PEMT: variants seen among roughly 807,000 people sequenced by gnomAD.
The protein encoded by PEMT is phospholipid methyltransferase.
PEMT carries 23 observed loss-of-function variants against 27.4 expected under a neutral mutation model. The observed-to-expected ratio is 0.84, with a 90% CI of 0.60 to 1.19. The LOEUF is 1.19. Ranked by LOEUF, PEMT falls within the 50% of genes most tolerant of loss-of-function variation. The pLI, the probability that PEMT is intolerant of heterozygous loss-of-function variation, is 0.00. For missense variants in PEMT, 307 were observed against 310.1 expected (o/e 0.99, Z 0.07); for synonymous variants, 137 against 139.1 (o/e 0.98, Z 0.11).
At chr17:17,516,787 G>A (rs1394882931) in intron 3 of PEMT, among the ~76,000 whole-genome samples, 2 of 152,050 alleles carry the variant, frequency 1.3e-5, no homozygotes, top group Admixed American at 1.3e-4. Flanking sequence ...CCCAGCAGCT[G>A]GGGGCCCTTG....
chr17:17,539,932 T>C (rs1264309090), intron 2 of PEMT, among the ~76,000 whole-genome samples: 2 of 151,906 alleles, frequency 1.3e-5, no homozygotes, highest in East Asian at 3.9e-4. Flanking sequence ...ACCACGCAGG[T>C]GGCAGGGAGC....
At chr17:17,591,900 C>A (rs1912609553), upstream of PEMT, 1 of 985,350 alleles carries the variant, frequency 1.0e-6, no homozygotes, top group Admixed American at 6.1e-5. Flanking sequence ...TAGCAGTATC[C>A]CCTTGGATCC....
chr17:17,555,390 G>A (rs1004434966), intron 2 of PEMT, among the ~76,000 whole-genome samples: 7 of 152,182 alleles, frequency 4.6e-5, no homozygotes, highest in African/African-American at 1.2e-4. Context: ...CCCACCTCCC[G>A]AGCCTCGGCT....
rs762207699 is a variant in PEMT at position 17,576,930 on chromosome 17, T to C, written c.194A>G (p.Tyr65Cys). Residue 65 changes from tyrosine to cysteine, a missense_variant, in exon 2 of 7, where the codon TAC becomes TGC. Physicochemically the swap from Tyr to Cys is radical, Grantham distance 194. Coordinates refer to ENST00000255389, the MANE Select transcript of PEMT (RefSeq NM_148172.3). ...AVITITFNPL[Y>C]WNVVARWEHK... ...AGGCACATCACTTACCACATTCCAG[T>C]AGAGCGGATTGAAGGTGATGGTGAT... is the stretch of plus-strand genomic sequence containing the variant. The C allele has an allele frequency of 1.9e-6, 3 of 1,612,830 alleles. No homozygotes were observed. The highest frequency in any genetic ancestry group is 2.5e-6 in the Non-Finnish European group (3 of 1,179,068).
intron 4 of PEMT, among the ~76,000 whole-genome samples, chr17:17,511,678 G>A (rs149545050): frequency 2.4e-3 from 371 of 152,342 alleles, no homozygotes; most frequent in Admixed American, 4.2e-3. Context: ...CACCCATGAC[G>A]GAGAGCGGGC....
chr17:17,531,232 G>A (rs1567689272), intron 2 of PEMT, among the ~76,000 whole-genome samples: 2 of 152,064 alleles, frequency 1.3e-5, no homozygotes, highest in Admixed American at 1.3e-4. Flanking sequence ...TGAAAGACGA[G>A]GTGGAAACGC....
rs951988217 is a variant in PEMT, at chr17:17,571,586, G to A, written c.204+5334C>T. Among the ~76,000 whole-genome samples, 6 of 152,190 alleles carry A rather than the reference G, an allele frequency of 3.9e-5. No homozygotes were observed. In the East Asian group the frequency reaches 1.2e-3, roughly 29 times the overall value. On this transcript the variant is annotated intron_variant, in intron 2 of 6. Coordinates refer to ENST00000255389, the MANE Select transcript of PEMT (RefSeq NM_148172.3). ...GAAGCGGGCAGCACCCCAGCCCAAT[G>A]CTGGGAAAACACTCCCTAGAGCCAC...
chr17:17,538,393 A>T (rs1908641484), intron 2 of PEMT, among the ~76,000 whole-genome samples: 1 of 152,130 alleles, frequency 6.6e-6, no homozygotes. Flanking sequence ...TATCTCTACA[A>T]ACAATTGAAA....
At chr17:17,506,180 G>A in intron 6 of PEMT, 47 bp downstream of exon 6, 8 of 1,410,800 alleles carry the variant, frequency 5.7e-6, no homozygotes, top group Non-Finnish European at 7.8e-6. Context: ...GGGAGAGACA[G>A]GGCCAGTCGG....
At chr17:17,544,710 C>T (rs916521180) in intron 2 of PEMT, among the ~76,000 whole-genome samples, 1 of 152,132 alleles carries the variant, frequency 6.6e-6, no homozygotes, top group Non-Finnish European at 1.5e-5. Flanking sequence ...TTTAGTCCTC[C>T]GAACAGAAAA....
At chr17:17,507,542 C>CTGCTTTT in intron 5 of PEMT, 1 of 313,246 alleles carries the variant, frequency 3.2e-6, no homozygotes, top group Non-Finnish European at 6.0e-6. Flanking sequence ...CAACCCCAGG[C>CTGCTTTT]CTGGCAACCA....
intron 2 of PEMT, among the ~76,000 whole-genome samples, chr17:17,527,187 G>A (rs1231849448): frequency 2.0e-5 from 3 of 152,098 alleles, no homozygotes; most frequent in South Asian, 2.1e-4. Flanking sequence ...ACACGCATGC[G>A]CCACCATGCC....
chr17:17,512,491 C>T lies in PEMT; in HGVS notation c.466+18G>A, dbSNP rs1245902691. ...CCAGCGGTCCTGCTCAGGGTCACCC[C>T]AGCCCTCAGGGTCTTACCTAGGAAA... On this transcript the variant is annotated intron_variant, in intron 4 of 6. Coordinates refer to ENST00000255389, the MANE Select transcript of PEMT (RefSeq NM_148172.3). This position sits in a 1 kb window ranked among gnomAD's most constrained non-coding sequence, Gnocchi z 6.3. The T allele has an allele frequency of 1.3e-6, 2 of 1,563,844 alleles. No individual in the cohort carries two copies. The highest frequency in any genetic ancestry group is 1.2e-5 in the South Asian group (1 of 83,550).
At chr17:17,545,441 G>C (rs1028844782) in intron 2 of PEMT, among the ~76,000 whole-genome samples, 1 of 152,166 alleles carries the variant, frequency 6.6e-6, no homozygotes, top group Admixed American at 6.5e-5. Flanking sequence ...AGGCCATGCT[G>C]AAGATCCTCC....
intron 2 of PEMT, among the ~76,000 whole-genome samples, chr17:17,533,643 G>A (rs1908258698): frequency 6.6e-6 from 1 of 152,072 alleles, no homozygotes; most frequent in South Asian, 2.1e-4. Flanking sequence ...AGTAAAGAGG[G>A]TTGGAGAGAA....
At chr17:17,507,385 C>T (rs1183155333) in intron 5 of PEMT, 4 of 626,774 alleles carry the variant, frequency 6.4e-6, no homozygotes, top group East Asian at 2.7e-5. Flanking sequence ...AGGGCTGGAT[C>T]GAGGTGAGGG....
At chr17:17,579,356 T>C (rs1042417705) in intron 1 of PEMT, among the ~76,000 whole-genome samples, 2 of 152,230 alleles carry the variant, frequency 1.3e-5, no homozygotes, top group African/African-American at 4.8e-5. Flanking sequence ...CATCTCACTG[T>C]AGGGCCAAGG....
chr17:17,535,789 T>C lies in PEMT; in HGVS notation c.205-13394A>G, dbSNP rs558247464. ...TCTTGAAGCTGGGCATTGGGTACGG[T>C]GGTGCAGGGGTCATTAAACGGTTCT... On this transcript the variant is annotated intron_variant, in intron 2 of 6. Coordinates refer to ENST00000255389, the MANE Select transcript of PEMT (RefSeq NM_148172.3). Among the ~76,000 whole-genome samples the C allele has an allele frequency of 2.6e-4, 40 of 152,204 alleles. No individual in the cohort carries two copies. In the South Asian group the frequency reaches 8.1e-3, roughly 31 times the overall value.
At chr17:17,552,119 T>G (rs2142649649) in intron 2 of PEMT, among the ~76,000 whole-genome samples, 1 of 152,150 alleles carries the variant, frequency 6.6e-6, no homozygotes, top group South Asian at 2.1e-4. Flanking sequence ...GGAGAATCAC[T>G]TGAACCTGGG....
Sources: gnomAD v4.1 joint callset for allele counts (sites outside exome capture counted in the v4.1 genomes callset) on GRCh38, gnomAD v4.1.1 for gene constraint, Gnocchi (gnomAD v3.1) non-coding constraint, MANE v1.5 for transcripts, NCBI Gene and HGNC (gene_info 2026-07-23, HGNC 2026-07-21) for gene names.